Variants in GSE1 observed in about 807,000 individuals in gnomAD.
The protein encoded by GSE1 is Gse1 coiled-coil protein.
GSE1 carries 32 observed loss-of-function variants against 112.6 expected under a neutral mutation model. That is an observed-to-expected ratio of 0.28 (90% CI 0.21 to 0.38). The LOEUF (loss-of-function observed/expected upper bound fraction) is 0.38, where lower values mean the gene tolerates loss of function less well. GSE1 is among the 10% of genes least tolerant of loss of function. The probability of loss-of-function intolerance (pLI) is 1.00; values close to 1 mark genes in which losing one functional copy is unlikely to be tolerated. For missense variants in GSE1, 2,348 were observed against 1,699.2 expected, an observed-to-expected ratio of 1.38 and a Z score of -6.71; for synonymous variants, 1,115 against 735.6, an observed-to-expected ratio of 1.52 and a Z score of -8.35.
At chr16:85,431,068 C>T (rs978177236) in intron 2 of GSE1, among the ~76,000 whole-genome samples, 1 of 100,572 alleles carries the variant, frequency 9.9e-6, no homozygotes. Context: ...TTGAAAGCCA[C>T]TGCCTCGGGG....
chr16:85,425,466 C>T lies in GSE1; in HGVS notation c.2464+67823C>T, dbSNP rs117270052. 6.3e-3 allele frequency among the ~76,000 whole-genome samples: 962 copies of T among 152,250 alleles called. 9 individuals carry two copies. The highest frequency in any genetic ancestry group is 0.011 in the Non-Finnish European group (736 of 68,012). Reference sequence around the variant, plus strand: ...CTGCGAGTGTCAGGGGAAGGGAAGTCGCCCGTGATGCTCATGAGACAAAAC... The same window carrying T: ...CTGCGAGTGTCAGGGGAAGGGAAGTTGCCCGTGATGCTCATGAGACAAAAC... On this transcript the variant is annotated intron_variant, in intron 2 of 2. Coordinates refer to the GSE1 transcript ENST00000637419.
At chr16:85,567,011 C>A (rs995555786) in intron 1 of GSE1, among the ~76,000 whole-genome samples, 1 of 151,964 alleles carries the variant, frequency 6.6e-6, no homozygotes, top group African/African-American at 2.4e-5. Context: ...ATCTTAAGGG[C>A]CCAGGGACAA....
intron 1 of GSE1, among the ~76,000 whole-genome samples, chr16:85,219,790 C>T (rs1204754419): frequency 6.6e-6 from 1 of 152,234 alleles, no homozygotes; most frequent in Non-Finnish European, 1.5e-5. Flanking sequence ...ATGGGACCAC[C>T]AGCTTTGCTT....
exon 1 of GSE1, chr16:85,170,180 C>T (rs2074336032): frequency 1.0e-6 from 1 of 985,304 alleles, no homozygotes; most frequent in Non-Finnish European, 1.2e-6. Context: ...GCTCCGGGAC[C>T]CGCTCCGGGA....
At chr16:85,264,895 C>G (rs186206803) in intron 1 of GSE1, among the ~76,000 whole-genome samples, 56 of 152,324 alleles carry the variant, frequency 3.7e-4, no homozygotes, top group African/African-American at 1.3e-3. Flanking sequence ...AGGGGTTCCC[C>G]TACTTCCAAG....
At chr16:85,671,191 T>A in intron 15 of GSE1, 93 bp downstream of exon 15, 1 of 700,944 alleles carries the variant, frequency 1.4e-6, no homozygotes, top group South Asian at 1.7e-5. Context: ...AGAGGAAATG[T>A]GCTCTTAAGA....
chr16:85,364,134 G>A (rs2151585092), intron 2 of GSE1, among the ~76,000 whole-genome samples: 1 of 152,332 alleles, frequency 6.6e-6, no homozygotes, highest in South Asian at 2.1e-4. Flanking sequence ...GGGGCTCCAG[G>A]GGAGAATCTG....
chr16:85,552,446 C>G (rs1010144113), upstream of GSE1, among the ~76,000 whole-genome samples: 31 of 126,184 alleles, frequency 2.5e-4, 3 homozygotes, highest in African/African-American at 8.3e-4. Context: ...ATTCTCCTGT[C>G]TCAGCCTCCC....
chr16:85,565,982 G>T (rs1214601152), intron 1 of GSE1, among the ~76,000 whole-genome samples: 1 of 152,160 alleles, frequency 6.6e-6, no homozygotes, highest in Non-Finnish European at 1.5e-5. Flanking sequence ...CTCCTTACTG[G>T]CTGTGTGACT....
intron 2 of GSE1, among the ~76,000 whole-genome samples, chr16:85,509,006 G>A (rs1309936049): frequency 6.6e-6 from 1 of 152,196 alleles, no homozygotes; most frequent in Non-Finnish European, 1.5e-5. Context: ...GTAGGGCTGG[G>A]CAAAGGTGGG....
intron 2 of GSE1, among the ~76,000 whole-genome samples, chr16:85,523,041 T>G (rs560845778): frequency 6.6e-6 from 1 of 152,124 alleles, no homozygotes; most frequent in African/African-American, 2.4e-5. Context: ...GTGTGTCTTT[T>G]GTGTGCTGTG....
At chr16:85,554,161 G>A (rs1290558949), upstream of GSE1, among the ~76,000 whole-genome samples, 1 of 152,086 alleles carries the variant, frequency 6.6e-6, no homozygotes, top group Admixed American at 6.5e-5. Flanking sequence ...CGTTTAAGGA[G>A]AGGGTGGGGG....
intron 1 of GSE1, among the ~76,000 whole-genome samples, chr16:85,304,594 C>CCGGGGG: frequency 5.9e-5 from 1 of 16,906 alleles, no homozygotes; most frequent in African/African-American, 1.6e-4. Context: ...AGCTGCCAAG[C>CCGGGGG]CGGGGGCGGG....
At chr16:85,619,022 C>T (rs925061980) in intron 1 of GSE1, among the ~76,000 whole-genome samples, 1 of 152,260 alleles carries the variant, frequency 6.6e-6, no homozygotes, top group African/African-American at 2.4e-5. Flanking sequence ...GACTCCCTTG[C>T]GGTGTTGGGG....
At chr16:85,228,298 G>T (rs555017861) in intron 1 of GSE1, among the ~76,000 whole-genome samples, 5 of 152,334 alleles carry the variant, frequency 3.3e-5, no homozygotes, top group African/African-American at 1.2e-4. Flanking sequence ...TGTGGCTGCT[G>T]GGGAGCCATT....
chr16:85,530,351 C>G (rs1315772420), intron 2 of GSE1, among the ~76,000 whole-genome samples: 1 of 152,216 alleles, frequency 6.6e-6, no homozygotes, highest in African/African-American at 2.4e-5. Flanking sequence ...TATCTCCTCC[C>G]CGGTGATGCA....
intron 1 of GSE1, among the ~76,000 whole-genome samples, chr16:85,616,024 G>C (rs534517107): frequency 4.6e-5 from 7 of 152,360 alleles, no homozygotes; most frequent in Non-Finnish European, 1.0e-4. Context: ...GGGAAGTTCA[G>C]GGGCTGCAGA....
intron 2 of GSE1, among the ~76,000 whole-genome samples, chr16:85,518,224 G>GC (rs768485478): frequency 7.2e-5 from 11 of 152,222 alleles, no homozygotes; most frequent in East Asian, 3.9e-4. Context: ...CTTTGGGTGT[G>GC]CCCCCCGGGG....
intron 2 of GSE1, among the ~76,000 whole-genome samples, chr16:85,645,316 G>A (rs2050763520): frequency 1.3e-5 from 2 of 152,094 alleles, no homozygotes; most frequent in Non-Finnish European, 1.5e-5. Context: ...CAGTTCGGGG[G>A]TTGCTGGGGA....
Sources: gnomAD v4.1 joint callset for allele counts (sites outside exome capture counted in the v4.1 genomes callset) on GRCh38, gnomAD v4.1.1 for gene constraint, MANE v1.5 for transcripts, NCBI Gene and HGNC (gene_info 2026-07-23, HGNC 2026-07-21) for gene names.